The following AOX1 variants were observed in gnomAD, a reference collection of about 807,000 sequenced individuals.
The protein encoded by AOX1 is aldehyde oxidase.
Under a neutral mutation model 169.5 loss-of-function variants are expected in AOX1, and 153 were observed. The observed-to-expected ratio is 0.90, with a 90% CI of 0.79 to 1.03. The LOEUF is 1.03. Ranked by LOEUF, AOX1 falls within the 50% of genes least tolerant of loss-of-function variation. The probability of loss-of-function intolerance (pLI) is 0.00; values close to 1 mark genes in which losing one functional copy is unlikely to be tolerated. For synonymous variants in AOX1, 562 were observed against 581.9 expected, an observed-to-expected ratio of 0.97 and a Z score of 0.49; for missense variants, 1,656 against 1,663.9, an observed-to-expected ratio of 1.00 and a Z score of 0.08.
In AOX1 at chr2:200,604,857, G is replaced by A. The variant is rs376773168; in HGVS notation, c.814+17G>A. ...CCTCTGTGGGTATGTAGAACCCCAG[G>A]GATTTTTTATAGGGAAATTGAGAAA... On this transcript the variant is annotated intron_variant, in intron 9 of 34. Transcript: ENST00000374700. 8 of 1,587,818 alleles carry A rather than the reference G, an allele frequency of 5.0e-6. No individual in the cohort carries two copies. The East Asian group carries it at 9.2e-5, about 18-fold the overall frequency.
At chr2:200,599,531 CT>C in intron 4 of AOX1, 88 bp from the exon 5 acceptor site, 1 of 1,075,286 alleles carries the variant, frequency 9.3e-7, no homozygotes, top group Admixed American at 2.5e-5. Flanking sequence ...GACAAATCAC[CT>C]GGGGATCTTG....
chr2:200,626,602 A>G (rs1441360536), intron 19 of AOX1, among the ~76,000 whole-genome samples: 16 of 152,208 alleles, frequency 1.1e-4, no homozygotes, highest in Non-Finnish European at 2.2e-4. Flanking sequence ...GGGAGAGCCA[A>G]TAGGAGCTAG....
At chr2:200,644,003 G>A (rs1486684281) in intron 25 of AOX1, among the ~76,000 whole-genome samples, 23 of 152,148 alleles carry the variant, frequency 1.5e-4, no homozygotes, top group Admixed American at 1.4e-3. Context: ...CTCCCACTCT[G>A]TGGGATGTCT....
chr2:200,657,161 C>CAAAAAA (rs67071824), intron 27 of AOX1, among the ~76,000 whole-genome samples: 35 of 82,988 alleles, frequency 4.2e-4, no homozygotes, highest in African/African-American at 1.6e-3. Context: ...CCATCTCTAC[C>CAAAAAA]AAAAATATAT....
chr2:200,625,349 G>A (rs975351393), intron 19 of AOX1, among the ~76,000 whole-genome samples: 2 of 152,008 alleles, frequency 1.3e-5, no homozygotes, highest in African/African-American at 4.8e-5. Flanking sequence ...AATATCAGGG[G>A]CTAAATATCT....
intron 15 of AOX1, among the ~76,000 whole-genome samples, chr2:200,615,459 T>C (rs1250924515): frequency 6.6e-6 from 1 of 152,226 alleles, no homozygotes; most frequent in Non-Finnish European, 1.5e-5. Flanking sequence ...TGAGGAATGT[T>C]CTTGCTGGGG....
intron 24 of AOX1, among the ~76,000 whole-genome samples, chr2:200,642,052 C>T (rs567414478): frequency 6.6e-6 from 1 of 152,138 alleles, no homozygotes; most frequent in African/African-American, 2.4e-5. Context: ...TCACTTGAAC[C>T]CCGGAGGCAG....
intron 16 of AOX1, among the ~76,000 whole-genome samples, chr2:200,619,727 C>T (rs2034842016): frequency 6.6e-6 from 1 of 152,184 alleles, no homozygotes; most frequent in Non-Finnish European, 1.5e-5. Context: ...TAAGAAAGAG[C>T]AACATTAGTG....
At chr2:200,604,894 A>ATGGGGT in intron 9 of AOX1, 54 bp downstream of exon 9, 1 of 622,926 alleles carries the variant, frequency 1.6e-6, no homozygotes, top group Non-Finnish European at 3.0e-6. Flanking sequence ...AGGGCTTGGG[A>ATGGGGT]TGGGGCCGGG....
intron 26 of AOX1, among the ~76,000 whole-genome samples, chr2:200,656,431 C>G (rs1574956755): frequency 6.6e-6 from 1 of 152,186 alleles, no homozygotes; most frequent in East Asian, 1.9e-4. Flanking sequence ...AAGATTACTT[C>G]CAAGTTCTTG....
chr2:200,589,114 G>A (rs1242689738), intron 1 of AOX1, among the ~76,000 whole-genome samples: 3 of 152,120 alleles, frequency 2.0e-5, no homozygotes, highest in African/African-American at 7.2e-5. Context: ...GGAGAAAATA[G>A]GTGACATGAT....
intron 12 of AOX1, among the ~76,000 whole-genome samples, chr2:200,610,381 T>C (rs1160255791): frequency 6.6e-6 from 1 of 152,238 alleles, no homozygotes; most frequent in Non-Finnish European, 1.5e-5. Flanking sequence ...CACAAAACTA[T>C]CTTAAAGAGG....
Position 200,657,190 on chromosome 2 carries a change from A to ATAT in AOX1, c.3171+254_3171+255insATT. On this transcript the variant is annotated intron_variant, in intron 27 of 34. Coordinates refer to ENST00000374700, the MANE Select transcript of AOX1 (RefSeq NM_001159.4). ...AATATATATATATATATATATATATATTTTTTTTTTTTTTTAATTAGCAGG... is the reference window on the plus strand; with the variant it reads ...AATATATATATATATATATATATATATATTTTTTTTTTTTTTTTAATTAGCAGG... Among the ~76,000 whole-genome samples, 242 of 62,878 alleles carry ATAT rather than the reference A, an allele frequency of 3.8e-3. 1 individual carries two copies. Among genetic ancestry groups the ATAT allele is most frequent in the Middle Eastern group, 9.1e-3 (1 of 110 alleles). The allele number at this position is 62,878 out of a possible 152,430, so 41.3% of individuals were successfully genotyped here. A position where few individuals can be genotyped will look rare whatever the true frequency, so the allele number is the denominator to read the frequency against.
In AOX1 at chr2:200,637,479, G is replaced by A. The variant is rs376219281; in HGVS notation, c.2480+435G>A. 2.6e-5 allele frequency among the ~76,000 whole-genome samples: 4 copies of A among 151,980 alleles called. No individual in the cohort carries two copies. In the East Asian group the frequency reaches 7.7e-4, roughly 29 times the overall value. ...TATATGTTTATAAACGTATATGTAT[G>A]TTTGTGTGTATATATGTACATTCTT... On this transcript the variant is annotated intron_variant, in intron 22 of 34. Transcript: ENST00000374700.
Position 200,587,126 on chromosome 2 carries a change from A to C in AOX1, c.45+973A>C, listed in dbSNP as rs77837136. 6.2e-3 allele frequency among the ~76,000 whole-genome samples: 935 copies of C among 151,818 alleles called. 4 individuals are homozygous for C. Among genetic ancestry groups the C allele is most frequent in the African/African-American group, 0.019 (785 of 41,402 alleles). On this transcript the variant is annotated intron_variant, in intron 1 of 34. Transcript: ENST00000374700. ...TACAAAAAAAAAACCAAACAAAACA[A>C]AACAACAACAACAAAAAAAAACCGG...
chr2:200,635,584 G>T lies in AOX1; in HGVS notation c.2346+669G>T, dbSNP rs2035212903. Among the ~76,000 whole-genome samples the T allele has an allele frequency of 2.0e-5, 3 of 152,102 alleles. No homozygotes were observed. The South Asian group carries it at 6.2e-4, about 32-fold the overall frequency. On this transcript the variant is annotated intron_variant, in intron 21 of 34. Coordinates refer to ENST00000374700, the MANE Select transcript of AOX1 (RefSeq NM_001159.4). The stretch of plus-strand genomic sequence containing the variant: ...TTGTCTAGATGGTAAGACAAGAGAG[G>T]TCACTTCCAGGCAATTCCACAGCAA...
Position 200,657,411 on chromosome 2 carries a change from C to T in AOX1, c.3171+474C>T, listed in dbSNP as rs555395004. ...AGGAGATTTGAGCTTTGACAGTTTA[C>T]TCTGTTAAATGATTAGCAGAAACTG... On this transcript the variant is annotated intron_variant, in intron 27 of 34. Coordinates refer to ENST00000374700, the MANE Select transcript of AOX1 (RefSeq NM_001159.4). Among the ~76,000 whole-genome samples, 46 of 151,572 alleles carry T rather than the reference C, an allele frequency of 3.0e-4. No homozygotes were observed. In the South Asian group the frequency reaches 8.3e-3, roughly 27 times the overall value.
In AOX1 at chr2:200,649,538, G is replaced by A. The variant is rs139889634; in HGVS notation, c.2848-1436G>A. 7.9e-5 allele frequency among the ~76,000 whole-genome samples: 12 copies of A among 152,254 alleles called. No individual in the cohort carries two copies. In the East Asian group the frequency reaches 1.7e-3, roughly 22 times the overall value. ...GGATTATTGCTTTGTTCTTGCAGTC[G>A]ATCTAGAGCTAAAATTCGGCGAACT... On this transcript the variant is annotated intron_variant, in intron 25 of 34. Transcript: ENST00000374700.
chr2:200,597,566 C>G, intron 4 of AOX1, 61 bp downstream of exon 4: 1 of 1,308,910 alleles, frequency 7.6e-7, no homozygotes, highest in South Asian at 1.3e-5. Context: ...GACATTGAGT[C>G]CCTGAGATTA....
Sources: gnomAD v4.1 joint callset for allele counts (sites outside exome capture counted in the v4.1 genomes callset) on GRCh38, gnomAD v4.1.1 for gene constraint, MANE v1.5 for transcripts, NCBI Gene and HGNC (gene_info 2026-07-23, HGNC 2026-07-21) for gene names.